TSPAN3: variants seen among roughly 807,000 people sequenced by gnomAD.
TSPAN3 encodes tetraspanin-3.
TSPAN3 carries 9 observed loss-of-function variants against 31.1 expected under a neutral mutation model. That is an observed-to-expected ratio of 0.29 (90% CI 0.17 to 0.50). TSPAN3 has a LOEUF of 0.50. TSPAN3 is among the 20% of genes least tolerant of loss of function. The probability of loss-of-function intolerance (pLI) is 0.98; values close to 1 mark genes in which losing one functional copy is unlikely to be tolerated. For synonymous variants in TSPAN3, 129 were observed against 114.3 expected (o/e 1.13, Z -0.82); for missense variants, 252 against 313.5 (o/e 0.80, Z 1.48).
intron 1 of TSPAN3, among the ~76,000 whole-genome samples, chr15:77,058,868 T>A (rs2076783817): frequency 6.6e-6 from 1 of 152,224 alleles, no homozygotes; most frequent in African/African-American, 2.4e-5. Flanking sequence ...GAATCCAGCT[T>A]GCTGAATTCT....
At position 77,045,808 on chromosome 15, in the gene TSPAN3, T is replaced by C. The variant is rs529172136; in HGVS notation, c.*1027A>G. 1 of 152,364 alleles carries C rather than the reference T, an allele frequency of 6.6e-6. No individual in the cohort carries two copies. Among genetic ancestry groups the C allele is most frequent in the Non-Finnish European group, 1.5e-5 (1 of 68,050 alleles). 9.4% of individuals were successfully genotyped at this position (152,364 alleles called of 1,614,324 possible). On this transcript the variant is annotated 3_prime_UTR_variant, in exon 7 of 7. Coordinates refer to ENST00000267970, the MANE Select transcript of TSPAN3 (RefSeq NM_005724.6). The stretch of plus-strand genomic sequence containing the variant: ...TTGAAGACAAGGACAGTATCGCCAC[T>C]GTATCCCCAGTGCATTGCACAAAGT...
At chr15:77,059,629 G>C (rs10438376) in intron 1 of TSPAN3, among the ~76,000 whole-genome samples, 13,730 of 151,840 alleles carry the variant, frequency 0.09, 1,669 homozygotes, top group African/African-American at 0.28. Context: ...AATGTTGTAG[G>C]TTTTTTTTAC....
At chr15:77,066,571 CAAAAAAAAAAAA>C (rs35737479) in intron 1 of TSPAN3, among the ~76,000 whole-genome samples, 6 of 59,354 alleles carry the variant, frequency 1.0e-4, no homozygotes, top group African/African-American at 1.5e-4. Flanking sequence ...GACTTCGTCT[CAAAAAAAAAAAA>C]AAAAAAAAAA....
At chr15:77,069,263 T>C (rs1348542319) in intron 1 of TSPAN3, among the ~76,000 whole-genome samples, 1 of 152,140 alleles carries the variant, frequency 6.6e-6, no homozygotes, top group Non-Finnish European at 1.5e-5. Flanking sequence ...GAATAAAAAA[T>C]GTTATGGATG....
chr15:77,066,486 C>T (rs966146533), intron 1 of TSPAN3, among the ~76,000 whole-genome samples: 1 of 136,484 alleles, frequency 7.3e-6, no homozygotes. Flanking sequence ...GCAGGAAGAT[C>T]GCTTGAACCC....
At chr15:77,052,554 G>C in intron 5 of TSPAN3, 86 bp from the exon 6 acceptor site, 1 of 1,335,454 alleles carries the variant, frequency 7.5e-7, no homozygotes, top group East Asian at 2.3e-5. Context: ...CTTACAGAAA[G>C]GAAAATGACA....
Position 77,059,207 on chromosome 15 carries a change from C to T in TSPAN3, c.64-2952G>A, listed in dbSNP as rs539087139. On this transcript the variant is annotated intron_variant, in intron 1 of 6. Coordinates refer to ENST00000267970, the MANE Select transcript of TSPAN3 (RefSeq NM_005724.6). The stretch of plus-strand genomic sequence containing the variant: ...ACGCCATTCTCCTGCCTCAGCCTCC[C>T]GAGTAGCTGGGATTACAGGCGCCCG... 1.8e-3 allele frequency among the ~76,000 whole-genome samples: 273 copies of T among 152,014 alleles called. 3 individuals carry two copies. Among genetic ancestry groups the T allele is most frequent in the African/African-American group, 6.4e-3 (266 of 41,510 alleles).
At chr15:77,054,366 T>A in intron 3 of TSPAN3, 87 bp from the exon 4 acceptor site, 1 of 938,284 alleles carries the variant, frequency 1.1e-6, no homozygotes, top group Non-Finnish European at 1.7e-6. Context: ...TTAAATGAAA[T>A]GTTTGCAAGT....
intron 1 of TSPAN3, chr15:77,067,580 T>A (rs929300498): frequency 2.0e-5 from 3 of 152,230 alleles, no homozygotes; most frequent in Non-Finnish European, 2.9e-5. Context: ...GGTAAACATT[T>A]GATAAGCTCT....
Position 77,061,047 on chromosome 15 carries a change from G to T in TSPAN3, c.64-4792C>A, listed in dbSNP as rs138312661. ...TAAAGCCATCTTGTTATAAAATTTT[G>T]CAAGTATATGAGTTCCAAAAGTATG... is the stretch of plus-strand genomic sequence containing the variant. On this transcript the variant is annotated intron_variant, in intron 1 of 6. Transcript: ENST00000267970. 1.1e-3 allele frequency among the ~76,000 whole-genome samples: 161 copies of T among 152,204 alleles called. 1 individual carries two copies. Among genetic ancestry groups the T allele is most frequent in the African/African-American group, 3.8e-3 (157 of 41,532 alleles).
rs1044334202 is a variant in TSPAN3 at position 77,044,253 on chromosome 15, G to C, written c.*2582C>G. 5 of 152,234 alleles carry C rather than the reference G, an allele frequency of 3.3e-5. No homozygotes were observed. Among genetic ancestry groups the C allele is most frequent in the African/African-American group, 1.2e-4 (5 of 41,454 alleles). The allele number at this position is 152,234 out of a possible 1,614,324, so 9.4% of individuals were successfully genotyped here. ...GCCACGGGCAGGAAACACCAGCCTA[G>C]TGGGTGAGCTCACTCACTAAATTTC... is the stretch of plus-strand genomic sequence containing the variant. On this transcript the variant is annotated 3_prime_UTR_variant, in exon 7 of 7. Coordinates refer to ENST00000267970, the MANE Select transcript of TSPAN3 (RefSeq NM_005724.6).
chr15:77,055,718 T>C (rs986727219), intron 3 of TSPAN3, 71 bp downstream of exon 3: 4 of 1,145,056 alleles, frequency 3.5e-6, no homozygotes, highest in Non-Finnish European at 5.0e-6. Context: ...ATAAAATGAA[T>C]GTGTTCTATT....
chr15:77,047,309 C>T (rs569468780), intron 6 of TSPAN3, among the ~76,000 whole-genome samples: 1 of 152,164 alleles, frequency 6.6e-6, no homozygotes, highest in African/African-American at 2.4e-5. Flanking sequence ...AACTGAGTTG[C>T]ACTTTTAATT....
intron 1 of TSPAN3, chr15:77,063,335 G>GT (rs1296028794): frequency 6.6e-6 from 1 of 151,610 alleles, no homozygotes; most frequent in African/African-American, 2.4e-5. Context: ...GGGGTGTAAA[G>GT]TTTTATGTGT....
intron 1 of TSPAN3, among the ~76,000 whole-genome samples, chr15:77,059,141 G>A (rs2076785636): frequency 6.6e-6 from 1 of 152,052 alleles, no homozygotes; most frequent in African/African-American, 2.4e-5. Flanking sequence ...GGAGTGCAGT[G>A]GCGCAATCTC....
chr15:77,058,444 G>A (rs147416125), intron 1 of TSPAN3, among the ~76,000 whole-genome samples: 1 of 152,222 alleles, frequency 6.6e-6, no homozygotes, highest in East Asian at 1.9e-4. Context: ...CGCTCATTAA[G>A]ATGAAGCTTA....
At chr15:77,059,637 T>A (rs1464051999) in intron 1 of TSPAN3, among the ~76,000 whole-genome samples, 2 of 152,226 alleles carry the variant, frequency 1.3e-5, no homozygotes, top group African/African-American at 4.8e-5. Flanking sequence ...AGGTTTTTTT[T>A]ACTCTAAAAG....
chr15:77,065,735 A>C (rs1214070406), intron 1 of TSPAN3, among the ~76,000 whole-genome samples: 1 of 152,222 alleles, frequency 6.6e-6, no homozygotes, highest in Non-Finnish European at 1.5e-5. Context: ...AGGCAGGATA[A>C]GTTTTAAAGG....
In TSPAN3 at chr15:77,065,450, G is replaced by C. The variant is rs144206645; in HGVS notation, c.63+5442C>G. Among the ~76,000 whole-genome samples the C allele has an allele frequency of 5.3e-5, 8 of 152,182 alleles. No homozygotes were observed. The South Asian group carries it at 1.7e-3, about 32-fold the overall frequency. On this transcript the variant is annotated intron_variant, in intron 1 of 6. Transcript: ENST00000267970. Reference sequence around the variant, plus strand: ...TTTATTTATTTATTTATTTTGAGATGGAGTCTCGCTCTGTCGCCCAGGCTG... The same window carrying C: ...TTTATTTATTTATTTATTTTGAGATCGAGTCTCGCTCTGTCGCCCAGGCTG...
Sources: gnomAD v4.1 joint callset for allele counts (sites outside exome capture counted in the v4.1 genomes callset) on GRCh38, gnomAD v4.1.1 for gene constraint, MANE v1.5 for transcripts, NCBI Gene and HGNC (gene_info 2026-07-23, HGNC 2026-07-21) for gene names.